RALYL: variants seen among roughly 807,000 people sequenced by gnomAD.
RALYL encodes the protein RNA-binding Raly-like protein.
In RALYL, 29 loss-of-function variants were observed where a neutral mutation model predicts 35.1. The observed-to-expected ratio is 0.83, with a 90% CI of 0.61 to 1.13. The LOEUF (loss-of-function observed/expected upper bound fraction) is 1.13, where lower values mean the gene tolerates loss of function less well. Ranked by LOEUF, RALYL falls within the 50% of genes most tolerant of loss-of-function variation. RALYL has a pLI of 0.00. For missense variants in RALYL, 359 were observed against 360.4 expected (o/e 1.00, Z 0.03); for synonymous variants, 120 against 127.6 (o/e 0.94, Z 0.40).
At chr8:84,904,288 A>G (rs1421747100) in intron 8 of RALYL, among the ~76,000 whole-genome samples, 1 of 152,210 alleles carries the variant, frequency 6.6e-6, no homozygotes, top group Admixed American at 6.6e-5. Flanking sequence ...TTGTAAATAG[A>G]GGACTTATCA....
At chr8:84,337,012 G>T (rs1847925033) in intron 1 of RALYL, among the ~76,000 whole-genome samples, 1 of 150,416 alleles carries the variant, frequency 6.6e-6, no homozygotes, top group Admixed American at 6.7e-5. Context: ...GGAATAACCT[G>T]TCTGTGTATC....
At chr8:84,566,508 A>G (rs2061792811) in intron 2 of RALYL, among the ~76,000 whole-genome samples, 1 of 151,658 alleles carries the variant, frequency 6.6e-6, no homozygotes, top group Non-Finnish European at 1.5e-5. Flanking sequence ...ACTTTATTAT[A>G]TAGTAGTAGA....
intron 1 of RALYL, among the ~76,000 whole-genome samples, chr8:84,439,039 T>C (rs1312220916): frequency 1.3e-5 from 2 of 152,166 alleles, no homozygotes; most frequent in Non-Finnish European, 2.9e-5. Flanking sequence ...AGCTTTGTTT[T>C]GTTTTGCTTA....
intron 3 of RALYL, among the ~76,000 whole-genome samples, chr8:84,800,176 G>A (rs751363302): frequency 2.0e-5 from 3 of 152,152 alleles, no homozygotes; most frequent in Non-Finnish European, 4.4e-5. Context: ...CAGACAATCT[G>A]ACAGTACCTT....
At chr8:84,349,024 G>A (rs886508491) in intron 1 of RALYL, among the ~76,000 whole-genome samples, 1 of 150,194 alleles carries the variant, frequency 6.7e-6, no homozygotes, top group African/African-American at 2.5e-5. Flanking sequence ...GTTTAGATTT[G>A]CTGCTTAAGG....
In RALYL at chr8:84,873,327, G is replaced by A. The variant is rs35443527; in HGVS notation, c.615G>A (p.Gln205=). The change falls in exon 7 of 9, where the codon CAG becomes CAA. Residue 205 remains glutamine, a synonymous_variant. Transcript: ENST00000521268. Reference sequence around the variant, plus strand: ...AGACCATCAAGAAAGAATTAACCCAGATCAAAACTAAAATTGACTCCTTGC... The same window carrying A: ...AGACCATCAAGAAAGAATTAACCCAAATCAAAACTAAAATTGACTCCTTGC... ...ELQTIKKELT[Q]IKTKIDSLLG... is the part of the protein sequence containing the mutation. The A allele has an allele frequency of 3.2e-4, 515 of 1,602,060 alleles. 1 individual carries two copies. In the African/African-American group the frequency reaches 6.0e-3, roughly 19 times the overall value.
intron 2 of RALYL, among the ~76,000 whole-genome samples, chr8:84,711,394 C>T (rs1264647997): frequency 6.6e-6 from 1 of 152,080 alleles, no homozygotes; most frequent in Non-Finnish European, 1.5e-5. Context: ...AATCACTCTC[C>T]ATACATGGCA....
chr8:84,775,522 AT>A (rs1187847706), intron 3 of RALYL, among the ~76,000 whole-genome samples: 1 of 152,030 alleles, frequency 6.6e-6, no homozygotes, highest in Non-Finnish European at 1.5e-5. Flanking sequence ...TCTCATGACC[AT>A]TTTTCCCAGA....
At position 84,425,783 on chromosome 8, in the gene RALYL, C is replaced by CTATGTGTGTATG. The variant is rs372367035; in HGVS notation, c.-23-103515_-23-103514insATGTGTGTATGT. On this transcript the variant is annotated intron_variant, in intron 1 of 8. Coordinates refer to ENST00000521268, the MANE Select transcript of RALYL (RefSeq NM_173848.7). ...AATTTTTAGAAAGCCAGTTTTTCTT[C>CTATGTGTGTATG]TGTGTGTGTGTGTGTGTGTGTGTGT... Among the ~76,000 whole-genome samples, 162 of 144,594 alleles carry CTATGTGTGTATG rather than the reference C, an allele frequency of 1.1e-3. 1 individual carries two copies. Among genetic ancestry groups the CTATGTGTGTATG allele is most frequent in the African/African-American group, 3.9e-3 (153 of 38,936 alleles). The allele number at this position is 144,594 out of a possible 152,430, so 94.9% of individuals were successfully genotyped here.
At chr8:84,424,417 T>C (rs1319366665) in intron 1 of RALYL, among the ~76,000 whole-genome samples, 2 of 120,486 alleles carry the variant, frequency 1.7e-5, no homozygotes, top group East Asian at 4.5e-4. Context: ...CTTTAAGCAC[T>C]TCTCTGTATT....
chr8:84,522,102 A>C (rs1326594033), intron 1 of RALYL, among the ~76,000 whole-genome samples: 5 of 152,120 alleles, frequency 3.3e-5, no homozygotes, highest in Admixed American at 2.6e-4. Flanking sequence ...GATTCCATTT[A>C]GTGGTATTTT....
chr8:84,522,945 G>A (rs2058577536), intron 1 of RALYL, among the ~76,000 whole-genome samples: 1 of 152,010 alleles, frequency 6.6e-6, no homozygotes, highest in Non-Finnish European at 1.5e-5. Context: ...TGGATACACA[G>A]TTCCACATAA....
At chr8:84,468,297 A>C (rs894134494) in intron 1 of RALYL, among the ~76,000 whole-genome samples, 3 of 151,680 alleles carry the variant, frequency 2.0e-5, no homozygotes, top group Non-Finnish European at 2.9e-5. Context: ...GTTCCTTTCC[A>C]TGTTTAGTGC....
chr8:84,388,154 C>G (rs563337522), intron 1 of RALYL, among the ~76,000 whole-genome samples: 1 of 152,110 alleles, frequency 6.6e-6, no homozygotes, highest in East Asian at 1.9e-4. Flanking sequence ...CATCCATGTC[C>G]CTACAAAGGA....
chr8:84,358,689 A>C (rs1351066310), intron 1 of RALYL, among the ~76,000 whole-genome samples: 2 of 152,072 alleles, frequency 1.3e-5, no homozygotes, highest in Non-Finnish European at 2.9e-5. Context: ...TGTGAGAAGA[A>C]TGGCTTAACT....
intron 1 of RALYL, among the ~76,000 whole-genome samples, chr8:84,338,914 C>A (rs1416551875): frequency 6.6e-6 from 1 of 151,934 alleles, no homozygotes; most frequent in Non-Finnish European, 1.5e-5. Context: ...AACCTGCAAT[C>A]CCTTCAAAAA....
At chr8:84,531,725 T>C (rs1182587385) in intron 2 of RALYL, among the ~76,000 whole-genome samples, 1 of 152,060 alleles carries the variant, frequency 6.6e-6, no homozygotes, top group East Asian at 1.9e-4. Context: ...AAATTAATTA[T>C]CAGTTTAAGA....
intron 1 of RALYL, among the ~76,000 whole-genome samples, chr8:84,235,322 A>G (rs578053493): frequency 6.6e-6 from 1 of 152,344 alleles, no homozygotes; most frequent in African/African-American, 2.4e-5. Flanking sequence ...GATTTGGGGC[A>G]ACTGAACCAC....
intron 1 of RALYL, among the ~76,000 whole-genome samples, chr8:84,267,202 G>A (rs908830431): frequency 2.6e-5 from 4 of 152,018 alleles, no homozygotes; most frequent in African/African-American, 9.7e-5. Flanking sequence ...TTTCAAATAA[G>A]AAAGAAAAAT....
Sources: gnomAD v4.1 joint callset for allele counts (sites outside exome capture counted in the v4.1 genomes callset) on GRCh38, gnomAD v4.1.1 for gene constraint, MANE v1.5 for transcripts, NCBI Gene and HGNC (gene_info 2026-07-23, HGNC 2026-07-21) for gene names.